The following CAB39L variants were observed in gnomAD, a reference collection of about 807,000 sequenced individuals.
The protein encoded by CAB39L is calcium binding protein 39 like.
A neutral mutation model predicts 39.1 loss-of-function variants in CAB39L; 23 were observed. The observed-to-expected ratio is 0.59, with a 90% CI of 0.42 to 0.83. The LOEUF (loss-of-function observed/expected upper bound fraction) is 0.83, where lower values mean the gene tolerates loss of function less well. CAB39L is among the 40% of genes least tolerant of loss of function. The pLI is 0.00. For synonymous variants in CAB39L, 126 were observed against 137.2 expected (o/e 0.92, Z 0.57); for missense variants, 366 against 391.9 (o/e 0.93, Z 0.56).
chr13:49,317,532 AAAAC>A (rs569369497), intron 10 of CAB39L, among the ~76,000 whole-genome samples: 4 of 152,316 alleles, frequency 2.6e-5, no homozygotes, highest in East Asian at 1.9e-4. Context: ...GCTGTCTCAA[AAAAC>A]AAACAAACAA....
intron 6 of CAB39L, among the ~76,000 whole-genome samples, chr13:49,355,674 AC>A (rs1955464518): frequency 6.6e-6 from 1 of 152,114 alleles, no homozygotes; most frequent in Non-Finnish European, 1.5e-5. Context: ...CATTAAAAAA[AC>A]ATGTGTAGAA....
chr13:49,388,430 C>T (rs1015008630), intron 3 of CAB39L, among the ~76,000 whole-genome samples: 2 of 152,072 alleles, frequency 1.3e-5, no homozygotes, highest in Admixed American at 6.6e-5. Context: ...AAAAAACAAA[C>T]GAAAGCATAA....
chr13:49,422,809 A>T (rs1957189914), intron 3 of CAB39L, among the ~76,000 whole-genome samples: 1 of 152,082 alleles, frequency 6.6e-6, no homozygotes. Context: ...GCACTTCTCA[A>T]ATTTATTATT....
intron 5 of CAB39L, among the ~76,000 whole-genome samples, chr13:49,364,084 T>C (rs1480858353): frequency 6.6e-6 from 1 of 152,120 alleles, no homozygotes; most frequent in Non-Finnish European, 1.5e-5. Context: ...AGAAAGTCAT[T>C]ATATAATAAT....
rs1955387181 is a variant in CAB39L, at chr13:49,352,611, T to C, written c.396-1699A>G. On this transcript the variant is annotated intron_variant, in intron 6 of 10. Transcript: ENST00000409308. ...AAAATAAAAAAATAAAAAATTTAGCTGAGACCCTGACTTTACAAAAACTAA... is the reference window on the plus strand; with the variant it reads ...AAAATAAAAAAATAAAAAATTTAGCCGAGACCCTGACTTTACAAAAACTAA... Among the ~76,000 whole-genome samples, 10 of 151,984 alleles carry C rather than the reference T, an allele frequency of 6.6e-5. No homozygotes were observed. The South Asian group carries it at 2.1e-3, about 32-fold the overall frequency.
At chr13:49,352,186 G>A (rs932949453) in intron 6 of CAB39L, among the ~76,000 whole-genome samples, 3 of 151,936 alleles carry the variant, frequency 2.0e-5, no homozygotes, top group African/African-American at 7.2e-5. Context: ...AACGTCTACT[G>A]TGGGAAACAA....
chr13:49,337,953 T>A (rs1264457566), intron 9 of CAB39L, among the ~76,000 whole-genome samples: 2 of 152,178 alleles, frequency 1.3e-5, no homozygotes, highest in African/African-American at 4.8e-5. Flanking sequence ...AATGAGCACA[T>A]AAATATTTGT....
chr13:49,389,768 AGT>A (rs1655640626), intron 3 of CAB39L, among the ~76,000 whole-genome samples: 1 of 152,230 alleles, frequency 6.6e-6, no homozygotes, highest in South Asian at 2.1e-4. Flanking sequence ...ACAGCTGTGT[AGT>A]GTGAGTTGCA....
chr13:49,425,583 A>C (rs1957233350), intron 3 of CAB39L, among the ~76,000 whole-genome samples: 1 of 152,220 alleles, frequency 6.6e-6, no homozygotes, highest in Admixed American at 6.5e-5. Flanking sequence ...AAAAACAGGC[A>C]CAAAGCTAAA....
intron 4 of CAB39L, among the ~76,000 whole-genome samples, chr13:49,379,097 AG>A (rs1956195066): frequency 2.1e-5 from 1 of 47,972 alleles, no homozygotes. Flanking sequence ...CCGCCCGGCC[AG>A]CCGCCCCGTC....
intron 3 of CAB39L, among the ~76,000 whole-genome samples, chr13:49,407,212 A>G (rs1956899588): frequency 6.6e-6 from 1 of 152,202 alleles, no homozygotes; most frequent in Non-Finnish European, 1.5e-5. Context: ...CAATGATTCT[A>G]CAGTTATTTG....
At chr13:49,385,317 C>G (rs1006098237) in intron 3 of CAB39L, among the ~76,000 whole-genome samples, 2 of 152,226 alleles carry the variant, frequency 1.3e-5, no homozygotes, top group Non-Finnish European at 2.9e-5. Context: ...TCAGCCTTCA[C>G]AGAACTGAAG....
intron 3 of CAB39L, among the ~76,000 whole-genome samples, chr13:49,390,587 G>A (rs930127109): frequency 1.4e-4 from 22 of 152,056 alleles, no homozygotes; most frequent in Non-Finnish European, 2.5e-4. Flanking sequence ...GGGGGGGATG[G>A]TAAAAATTAT....
At chr13:49,312,198 A>T (rs937799695) in intron 10 of CAB39L, among the ~76,000 whole-genome samples, 10 of 152,302 alleles carry the variant, frequency 6.6e-5, no homozygotes, top group Middle Eastern at 3.4e-3. Context: ...CCTGGCCCTA[A>T]GGTTAACTTA....
At chr13:49,370,505 A>T (rs901008225) in intron 5 of CAB39L, among the ~76,000 whole-genome samples, 2 of 152,214 alleles carry the variant, frequency 1.3e-5, no homozygotes, top group Non-Finnish European at 2.9e-5. Context: ...TCCTGCAGAA[A>T]GCCTCTGGCC....
chr13:49,359,569 A>G, intron 6 of CAB39L, 145 bp downstream of exon 6: 1 of 526,672 alleles, frequency 1.9e-6, no homozygotes, highest in South Asian at 3.2e-5. Flanking sequence ...ATAGAGACAG[A>G]TCTGGAGGGC....
At chr13:49,424,537 T>G (rs116623091) in intron 3 of CAB39L, among the ~76,000 whole-genome samples, 2 of 152,142 alleles carry the variant, frequency 1.3e-5, no homozygotes, top group African/African-American at 4.8e-5. Context: ...CAAGACAATT[T>G]GAACAAAGTA....
intron 5 of CAB39L, among the ~76,000 whole-genome samples, chr13:49,363,975 T>C (rs963466576): frequency 4.0e-5 from 6 of 151,706 alleles, no homozygotes; most frequent in Non-Finnish European, 8.8e-5. Flanking sequence ...GAAAAAGATA[T>C]TCCATGCTAA....
At chr13:49,405,729 G>C (rs926343034) in intron 3 of CAB39L, among the ~76,000 whole-genome samples, 1 of 136,078 alleles carries the variant, frequency 7.3e-6, no homozygotes, top group Non-Finnish European at 1.6e-5. Context: ...GAGGAAGGAA[G>C]GAAGGAAGGA....
Sources: allele counts gnomAD v4.1 joint callset (sites outside exome capture counted in the v4.1 genomes callset), GRCh38; gene constraint gnomAD v4.1.1; transcripts MANE v1.5; gene names NCBI Gene and HGNC (gene_info 2026-07-23, HGNC 2026-07-21).